Variants in ZBED6 observed in about 807,000 individuals in gnomAD.
The protein encoded by ZBED6 is zinc finger BED domain-containing protein 6.
Under a neutral mutation model 58.4 loss-of-function variants are expected in ZBED6, and 40 were observed. The ratio of observed to expected loss-of-function variants is 0.68; its 90% confidence interval spans 0.53 to 0.89. The LOEUF (loss-of-function observed/expected upper bound fraction) is 0.89. Ranked by LOEUF, ZBED6 falls within the 40% of genes least tolerant of loss-of-function variation. The pLI is 0.00. For missense variants in ZBED6, 1,057 were observed against 1,003.9 expected (o/e 1.05, Z -0.71); for synonymous variants, 439 against 350.6 (o/e 1.25, Z -2.82).
At chr1:203,840,480 T>G (rs1685756207) in intron 11 of ZBED6, 106 bp downstream of exon 11, 13 of 1,122,832 alleles carry the variant, frequency 1.2e-5, no homozygotes, top group Non-Finnish European at 1.7e-5. Context: ...TGATTTTTGT[T>G]CTTTTGTAGT....
intron 10 of ZBED6, among the ~76,000 whole-genome samples, chr1:203,838,937 C>T (rs889483849): frequency 6.6e-5 from 9 of 136,790 alleles, no homozygotes; most frequent in Admixed American, 1.6e-4. Flanking sequence ...CCTGGGTGAC[C>T]GAGTGAGACT....
In ZBED6 at chr1:203,819,529, ATT is replaced by A. The variant is rs755259647; in HGVS notation, c.*2873+861_*2873+862del. ...GAGCCACCGTGCCCAGCTGACTCCAATTTTTTTTTTTTTTTTTTTTTTGAGAC... is the reference window on the plus strand; with the variant it reads ...GAGCCACCGTGCCCAGCTGACTCCAATTTTTTTTTTTTTTTTTTTTGAGAC... On this transcript the variant is annotated intron_variant, in intron 3 of 16. Transcript: ENST00000550078. Among the ~76,000 whole-genome samples, 174 of 72,848 alleles carry A rather than the reference ATT, an allele frequency of 2.4e-3. 1 individual carries two copies. The highest frequency in any genetic ancestry group is 0.023 in the East Asian group (63 of 2,766). 47.8% of individuals were successfully genotyped at this position (72,848 alleles called of 152,430 possible).
rs1571870101 is a variant in ZBED6 at position 203,798,908 on chromosome 1, T to C, written c.1386T>C (p.Asp462=). 5 of 1,536,090 alleles carry C rather than the reference T, an allele frequency of 3.3e-6. 1 individual carries two copies. The highest frequency in any genetic ancestry group is 2.4e-5 in the South Asian group (2 of 84,064). ...CTAAGGCTGTACCTCAGTTATATGA[T>C]TGTGTCAGAGAAAAAATTTTCTTAA... Residue 462 remains aspartate (D), a synonymous_variant, in exon 1 of 17, where the codon GAT becomes GAC. Coordinates refer to ENST00000550078, the Ensembl canonical transcript of ZBED6.
chr1:203,815,216 C>CTTTTTTTTTTTTT (rs59254922), intron 1 of ZBED6, among the ~76,000 whole-genome samples: 22 of 97,150 alleles, frequency 2.3e-4, no homozygotes, highest in South Asian at 7.0e-4. Context: ...CTTTTCTTTT[C>CTTTTTTTTTTTTT]TTTTTTTTTT....
chr1:203,818,747 A>C, intron 3 of ZBED6, 58 bp downstream of exon 3: 1 of 1,610,710 alleles, frequency 6.2e-7, no homozygotes, highest in Non-Finnish European at 8.5e-7. Context: ...TGGGCCAATA[A>C]AAAATATAGG....
At chr1:203,822,078 C>T (rs1284733174) in intron 3 of ZBED6, among the ~76,000 whole-genome samples, 1 of 152,086 alleles carries the variant, frequency 6.6e-6, no homozygotes, top group Non-Finnish European at 1.5e-5. Flanking sequence ...ATAATAGATA[C>T]ATAGTATTAC....
chr1:203,799,669 T>G (rs1220653939), exon 1 of ZBED6: 4 of 705,674 alleles, frequency 5.7e-6, no homozygotes, highest in Non-Finnish European at 1.0e-5. Context: ...CTACCCCTAA[T>G]CCATCATCTA....
At chr1:203,805,789 T>C in intron 1 of ZBED6, 6 of 724,068 alleles carry the variant, frequency 8.3e-6, no homozygotes, top group African/African-American at 3.5e-5. Flanking sequence ...TGCTTCTAGG[T>C]TGTCTTCATC....
At chr1:203,814,620 C>T (rs1042600024) in intron 1 of ZBED6, among the ~76,000 whole-genome samples, 2 of 152,122 alleles carry the variant, frequency 1.3e-5, no homozygotes, top group African/African-American at 4.8e-5. Context: ...GTACCTTTAA[C>T]GTTCATATGC....
At chr1:203,840,224 C>A in intron 10 of ZBED6, 82 bp from the exon 11 acceptor site, 1 of 1,380,122 alleles carries the variant, frequency 7.2e-7, no homozygotes. Flanking sequence ...CAGGTGTATG[C>A]CACCATGCCC....
intron 3 of ZBED6, among the ~76,000 whole-genome samples, chr1:203,825,129 T>TGA (rs1680103784): frequency 6.7e-6 from 1 of 150,346 alleles, no homozygotes; most frequent in Admixed American, 6.6e-5. Context: ...TGTTCAAGTG[T>TGA]GAGTTACAGT....
At chr1:203,840,624 A>ATTTC (rs1198504638) in intron 11 of ZBED6, among the ~76,000 whole-genome samples, 1 of 150,442 alleles carries the variant, frequency 6.6e-6, no homozygotes, top group African/African-American at 2.4e-5. Context: ...TTATTTATTT[A>ATTTC]TTTATTTATT....
At chr1:203,835,580 T>C (rs1188262547) in intron 9 of ZBED6, 3 of 173,670 alleles carry the variant, frequency 1.7e-5, no homozygotes, top group Non-Finnish European at 1.3e-5. Context: ...TTTCATTAGC[T>C]TAAACCCTTG....
intron 2 of ZBED6, among the ~76,000 whole-genome samples, chr1:203,817,715 A>G (rs1572060445): frequency 6.6e-6 from 1 of 151,978 alleles, no homozygotes; most frequent in Admixed American, 6.6e-5. Flanking sequence ...ATAAACGTAT[A>G]TGTTAAAAAA....
chr1:203,838,664 A>G (rs984637116), intron 10 of ZBED6, among the ~76,000 whole-genome samples: 1 of 152,312 alleles, frequency 6.6e-6, no homozygotes, highest in East Asian at 1.9e-4. Context: ...GAAAGGTTAT[A>G]AACAGGCCGG....
Position 203,845,806 on chromosome 1 carries a change from G to A in ZBED6, c.*3742-1378G>A, listed in dbSNP as rs567537349. On this transcript the variant is annotated intron_variant, in intron 11 of 16. Transcript: ENST00000550078. ...TTGAACCCAGGAGATGTAGGTTGCG[G>A]TGAGTCAAGATGACACCACTGCACA... 5.9e-5 allele frequency among the ~76,000 whole-genome samples: 9 copies of A among 152,236 alleles called. No homozygotes were observed. In the South Asian group the frequency reaches 1.9e-3, roughly 32 times the overall value.
chr1:203,797,745 C>T (rs978986189), exon 1 of ZBED6: 11 of 1,535,172 alleles, frequency 7.2e-6, no homozygotes, highest in Admixed American at 2.0e-5. Context: ...GGGGAAAAGG[C>T]GTCGAAAAAA....
At chr1:203,849,913 C>T in exon 14 of ZBED6, 2 of 1,614,040 alleles carry the variant, frequency 1.2e-6, no homozygotes, top group Non-Finnish European at 1.7e-6. Context: ...CGGCACCTGA[C>T]CAAGCGGCTT....
rs552624692 is a variant in ZBED6 at position 203,835,949 on chromosome 1, A to G, written c.*3574-2017A>G. On this transcript the variant is annotated intron_variant, in intron 9 of 16. Coordinates refer to ENST00000550078, the Ensembl canonical transcript of ZBED6. ...GAAGTCCTGTTCCCAGGAGGCCTCC[A>G]CAGGATCCAAGATGGTGGGGAGAGC... is the stretch of plus-strand genomic sequence containing the variant. 21 of 180,994 alleles carry G rather than the reference A, an allele frequency of 1.2e-4. No homozygotes were observed. The South Asian group carries it at 2.6e-3, about 22-fold the overall frequency. The allele number at this position is 180,994 out of a possible 1,614,324, so 11.2% of individuals were successfully genotyped here.
Sources: gnomAD v4.1 joint callset for allele counts (sites outside exome capture counted in the v4.1 genomes callset) on GRCh38, gnomAD v4.1.1 for gene constraint, MANE v1.5 for transcripts, NCBI Gene and HGNC (gene_info 2026-07-23, HGNC 2026-07-21) for gene names.